ACTA2: variants seen among roughly 807,000 people sequenced by gnomAD.
ACTA2 encodes actin alpha 2, smooth muscle.
Under a neutral mutation model 39.5 loss-of-function variants are expected in ACTA2, and 12 were observed. That is an observed-to-expected ratio of 0.30 (90% confidence interval 0.19 to 0.49). ACTA2 has a LOEUF of 0.49. Among genes scored for constraint, ACTA2 ranks in the 20% least tolerant of loss-of-function variants. The probability of loss-of-function intolerance (pLI) is 0.99; values close to 1 mark genes in which losing one functional copy is unlikely to be tolerated. For missense variants in ACTA2, 236 were observed against 498.8 expected (o/e 0.47, Z 5.02); for synonymous variants, 158 against 180.6 (o/e 0.88, Z 1.00).
At chr10:88,984,354 T>C (rs2025719) in intron 1 of ACTA2, among the ~76,000 whole-genome samples, 150,686 of 152,254 alleles carry the variant, frequency 0.99, 74,572 homozygotes, top group East Asian at 1. Context: ...GTCTCTCCCA[T>C]ACTACCTTTC....
At chr10:88,981,383 CT>C (rs5786847) in intron 1 of ACTA2, among the ~76,000 whole-genome samples, 10 of 149,560 alleles carry the variant, frequency 6.7e-5, no homozygotes, top group African/African-American at 1.5e-4. Context: ...AGAGAAATGA[CT>C]TTTTTTTTTT....
At chr10:88,968,601 G>A (rs1324149417) in intron 1 of ACTA2, among the ~76,000 whole-genome samples, 1 of 152,158 alleles carries the variant, frequency 6.6e-6, no homozygotes, top group African/African-American at 2.4e-5. Context: ...TAGAGAAGTG[G>A]ATGTAGGCAA....
Position 88,939,514 on chromosome 10 carries a change from G to A in ACTA2, c.801C>T (p.Ser267=), listed in dbSNP as rs1845809110. The A allele has an allele frequency of 1.9e-6, 3 of 1,613,136 alleles. No homozygotes were observed. The highest frequency in any genetic ancestry group is 2.2e-5 in the East Asian group (1 of 44,876). ...FRCPETLFQP[S]FIGMESAGIH... is the part of the protein sequence containing the mutation. ...AGGGCGTTTGTTGCCTACCGATGAA[G>A]GATGGCTGGAACAGGGTCTCTGGGC... The change falls in exon 7 of 9, where the codon TCC becomes TCT. Residue 267 remains serine (S), a synonymous_variant. Coordinates refer to ENST00000224784, the MANE Select transcript of ACTA2 (RefSeq NM_001613.4).
chr10:88,962,163 G>A (rs189434723), intron 1 of ACTA2, among the ~76,000 whole-genome samples: 1 of 152,258 alleles, frequency 6.6e-6, no homozygotes, highest in Non-Finnish European at 1.5e-5. Context: ...GTTCAGAGTT[G>A]CCAGATCTTC....
At chr10:88,943,109 C>T (rs1024758892) in intron 4 of ACTA2, among the ~76,000 whole-genome samples, 3 of 152,166 alleles carry the variant, frequency 2.0e-5, no homozygotes, top group Non-Finnish European at 4.4e-5. Flanking sequence ...ATGCTGAGCC[C>T]AGTACTTGAC....
chr10:88,987,329 T>G (rs1296702035), intron 1 of ACTA2, among the ~76,000 whole-genome samples: 2 of 152,236 alleles, frequency 1.3e-5, no homozygotes, highest in Non-Finnish European at 2.9e-5. Flanking sequence ...CAGTTAAGAT[T>G]TTTTCAGTTG....
At chr10:88,949,892 T>G (rs1338239712) in intron 1 of ACTA2, among the ~76,000 whole-genome samples, 3 of 152,156 alleles carry the variant, frequency 2.0e-5, no homozygotes, top group Non-Finnish European at 4.4e-5. Flanking sequence ...TTCTGTCATA[T>G]TTTTTTAATT....
intron 1 of ACTA2, among the ~76,000 whole-genome samples, chr10:88,959,157 T>A (rs1166512144): frequency 3.9e-5 from 6 of 152,236 alleles, no homozygotes; most frequent in East Asian, 3.8e-4. Flanking sequence ...ATAGGCTTTT[T>A]AAATTTTATT....
Position 88,990,733 on chromosome 10 carries a change from C to G in ACTA2, c.-24+206G>C. ...GGTTTACGAGTGACTTGGCTGGAGC[C>G]TCAGGGGCGGGCACTGGCACGGAAC... On this transcript the variant is annotated intron_variant, in intron 1 of 4. Transcript: ENST00000415557. The surrounding 1 kb of genome is among the most constrained non-coding windows in gnomAD (Gnocchi z 4.9). 2 of 963,556 alleles carry G rather than the reference C, an allele frequency of 2.1e-6. No individual in the cohort carries two copies. The highest frequency in any genetic ancestry group is 2.7e-5 in the South Asian group (2 of 74,860). 59.7% of individuals were successfully genotyped at this position (963,556 alleles called of 1,614,324 possible).
At chr10:88,967,457 AG>A (rs1247511658) in intron 1 of ACTA2, among the ~76,000 whole-genome samples, 1 of 152,196 alleles carries the variant, frequency 6.6e-6, no homozygotes, top group African/African-American at 2.4e-5. Context: ...CGATGAGGAC[AG>A]ATGCGAGAAT....
intron 8 of ACTA2, among the ~76,000 whole-genome samples, chr10:88,937,464 A>C (rs1027966888): frequency 5.9e-5 from 9 of 152,320 alleles, no homozygotes; most frequent in African/African-American, 1.9e-4. Flanking sequence ...AGTTCCCTTC[A>C]CTAGGGCTCA....
intron 1 of ACTA2, among the ~76,000 whole-genome samples, chr10:88,960,261 A>C (rs910448742): frequency 3.3e-5 from 5 of 152,212 alleles, no homozygotes; most frequent in African/African-American, 9.6e-5. Flanking sequence ...AAATTTGGGA[A>C]TCACTCAGAC....
chr10:88,945,493 AT>A (rs894162934), intron 3 of ACTA2, among the ~76,000 whole-genome samples: 1 of 152,182 alleles, frequency 6.6e-6, no homozygotes, highest in African/African-American at 2.4e-5. Flanking sequence ...TGCATTTAAA[AT>A]TTTTTATGTC....
intron 3 of ACTA2, chr10:88,946,954 G>A (rs933842727): frequency 1.4e-4 from 28 of 197,160 alleles, no homozygotes; most frequent in African/African-American, 6.7e-4. Context: ...ATGTGTTCTC[G>A]TTGTTCAATT....
chr10:88,935,937 C>T (rs754994075), intron 8 of ACTA2, among the ~76,000 whole-genome samples: 5 of 152,090 alleles, frequency 3.3e-5, no homozygotes, highest in Non-Finnish European at 5.9e-5. Context: ...TCCCAGTGCA[C>T]AGGCCTAACC....
rs150648822 is a variant in ACTA2 at position 88,941,014 on chromosome 10, C to T, written c.616+215G>A. The T allele has an allele frequency of 5.8e-5, 34 of 591,244 alleles. No individual in the cohort carries two copies. In the African/African-American group the frequency reaches 6.0e-4, roughly 10 times the overall value. 36.6% of individuals were successfully genotyped at this position (591,244 alleles called of 1,614,324 possible). A position where few individuals can be genotyped will look rare whatever the true frequency, so the allele number is the denominator to read the frequency against. On this transcript the variant is annotated intron_variant, in intron 6 of 8. Coordinates refer to ENST00000224784, the MANE Select transcript of ACTA2 (RefSeq NM_001613.4). Reference sequence around the variant, plus strand: ...TTATACAACACTGACTAATGCATAACACTGGGTGTCTATAACTGTTCTCCT... The same window carrying T: ...TTATACAACACTGACTAATGCATAATACTGGGTGTCTATAACTGTTCTCCT...
In ACTA2 at chr10:88,941,840, G is replaced by A. The variant is rs781132665; in HGVS notation, c.399C>T (p.Ala133=). 4.3e-6 allele frequency: 7 copies of A among 1,613,116 alleles called. No individual in the cohort carries two copies. The highest frequency in any genetic ancestry group is 4.2e-6 in the Non-Finnish European group (5 of 1,179,596). ...GCACCGCCTGGATAGCCACATACAT[G>A]GCTGGGACATTGAAAGTCTCAAACA... ...QIMFETFNVP[A]MYVAIQAVLS... is the part of the protein sequence containing the mutation. Residue 133 remains alanine, a synonymous_variant, in exon 5 of 9, where the codon GCC becomes GCT. Transcript: ENST00000224784.
At chr10:88,988,279 T>C (rs540897564) in intron 1 of ACTA2, among the ~76,000 whole-genome samples, 118 of 152,340 alleles carry the variant, frequency 7.7e-4, no homozygotes, top group African/African-American at 2.7e-3. Flanking sequence ...TAAACAGTCA[T>C]GGATATACAC....
intron 1 of ACTA2, among the ~76,000 whole-genome samples, chr10:88,967,796 A>C (rs955082565): frequency 1.3e-5 from 2 of 152,260 alleles, no homozygotes; most frequent in African/African-American, 4.8e-5. Context: ...CTCACACACC[A>C]GAACTCATTT....
Sources: allele counts gnomAD v4.1 joint callset (sites outside exome capture counted in the v4.1 genomes callset), GRCh38; gene constraint gnomAD v4.1.1; non-coding constraint Gnocchi (gnomAD v3.1); transcripts MANE v1.5; gene names NCBI Gene and HGNC (gene_info 2026-07-23, HGNC 2026-07-21).